Variants in PCDHGA7 observed in about 807,000 individuals in gnomAD.
The protein encoded by PCDHGA7 is protocadherin gamma-A7.
A neutral mutation model predicts 58.3 loss-of-function variants in PCDHGA7; 44 were observed. The ratio of observed to expected loss-of-function variants is 0.75; its 90% confidence interval spans 0.59 to 0.97. The LOEUF (loss-of-function observed/expected upper bound fraction) is 0.97, where lower values mean the gene tolerates loss of function less well. Among genes scored for constraint, PCDHGA7 ranks in the 50% least tolerant of loss-of-function variants. PCDHGA7 has a pLI of 0.00. For synonymous variants in PCDHGA7, 516 were observed against 504.2 expected (o/e 1.02, Z -0.31); for missense variants, 1,266 against 1,188.7 (o/e 1.06, Z -0.96).
rs1360494290 is a variant in PCDHGA7 at position 141,433,285 on chromosome 5, C to T, written c.2424+47962C>T. On this transcript the variant is annotated intron_variant, in intron 1 of 3. Coordinates refer to ENST00000518325, the MANE Select transcript of PCDHGA7 (RefSeq NM_018920.4). ...CATAGCTCACTGCAGCCTCAAACTCCTAGGCTCAAGCAATTATCCCACCTT... is the reference window on the plus strand; with the variant it reads ...CATAGCTCACTGCAGCCTCAAACTCTTAGGCTCAAGCAATTATCCCACCTT... The T allele has an allele frequency of 6.8e-6, 8 of 1,169,708 alleles. No individual in the cohort carries two copies. In the East Asian group the frequency reaches 1.7e-4, roughly 25 times the overall value. The allele number at this position is 1,169,708 out of a possible 1,614,324, so 72.5% of individuals were successfully genotyped here. A position where few individuals can be genotyped will look rare whatever the true frequency, so the allele number is the denominator to read the frequency against.
chr5:141,444,588 A>G (rs1486905298), intron 1 of PCDHGA7, among the ~76,000 whole-genome samples: 1 of 152,138 alleles, frequency 6.6e-6, no homozygotes, highest in Non-Finnish European at 1.5e-5. Flanking sequence ...CTTTCTACTT[A>G]CCTTATTTAA....
intron 1 of PCDHGA7, chr5:141,389,923 C>G: frequency 6.2e-7 from 1 of 1,614,076 alleles, no homozygotes; most frequent in Non-Finnish European, 8.5e-7. Context: ...CCCGACCCCT[C>G]TGACCTCCAG....
At chr5:141,390,632 A>G in intron 1 of PCDHGA7, 1 of 240,428 alleles carries the variant, frequency 4.2e-6, no homozygotes, top group Admixed American at 5.1e-5. Context: ...ATATATGATG[A>G]ATACTTTTTT....
chr5:141,481,913 CAAAAAA>C (rs34114744), intron 1 of PCDHGA7, among the ~76,000 whole-genome samples: 1 of 90,850 alleles, frequency 1.1e-5, no homozygotes. Flanking sequence ...AACTCCATCT[CAAAAAA>C]AAAAAAAAAA....
chr5:141,476,596 C>T lies in PCDHGA7; in HGVS notation c.2425-18211C>T. 1 of 1,614,224 alleles carries T rather than the reference C, an allele frequency of 6.2e-7. No homozygotes were observed. Among genetic ancestry groups the T allele is most frequent in the Non-Finnish European group, 8.5e-7 (1 of 1,180,038 alleles). On this transcript the variant is annotated intron_variant, in intron 1 of 3. Coordinates refer to ENST00000518325, the MANE Select transcript of PCDHGA7 (RefSeq NM_018920.4). The surrounding 1 kb of genome is among the most constrained non-coding windows in gnomAD (Gnocchi z 7.6). The stretch of plus-strand genomic sequence containing the variant: ...CGCGCTTTCCGCTCGAGAGCGCGCA[C>T]GATCCCGATGTGGGAAGCAACTCTT...
Position 141,489,075 on chromosome 5 carries a change from C to A in PCDHGA7, c.2425-5732C>A. The A allele has an allele frequency of 3.1e-6, 1 of 324,814 alleles. No individual in the cohort carries two copies. The highest frequency in any genetic ancestry group is 5.5e-6 in the Non-Finnish European group (1 of 180,380). The allele number at this position is 324,814 out of a possible 1,614,324, so 20.1% of individuals were successfully genotyped here. A position where few individuals can be genotyped will look rare whatever the true frequency, so the allele number is the denominator to read the frequency against. ...TCAGCTCCCCTCCCCCCTGCCCACCCCCGCCACTCGGTGACTAAGAACTGC... is the reference window on the plus strand; with the variant it reads ...TCAGCTCCCCTCCCCCCTGCCCACCACCGCCACTCGGTGACTAAGAACTGC... On this transcript the variant is annotated intron_variant, in intron 1 of 3. Coordinates refer to ENST00000518325, the MANE Select transcript of PCDHGA7 (RefSeq NM_018920.4). The surrounding 1 kb of genome is among the most constrained non-coding windows in gnomAD (Gnocchi z 4.5).
chr5:141,505,742 G>A (rs1024914690), intron 3 of PCDHGA7, among the ~76,000 whole-genome samples: 1 of 152,150 alleles, frequency 6.6e-6, no homozygotes, highest in Non-Finnish European at 1.5e-5. Flanking sequence ...TACAAGTCTA[G>A]CTCTGGAATG....
rs191354649 is a variant in PCDHGA7 at position 141,510,446 on chromosome 5, C to T, written c.2573-501C>T. 8.9e-4 allele frequency among the ~76,000 whole-genome samples: 135 copies of T among 152,154 alleles called. 1 individual carries two copies. Among genetic ancestry groups the T allele is most frequent in the Non-Finnish European group, 1.7e-3 (114 of 68,010 alleles). On this transcript the variant is annotated intron_variant, in intron 3 of 3. Coordinates refer to ENST00000518325, the MANE Select transcript of PCDHGA7 (RefSeq NM_018920.4). ...TTTCATGGCTGCTGCCCTCCAGGAG[C>T]CCATGGTCTAGTGTGGGAGTCAGAG...
intron 1 of PCDHGA7, among the ~76,000 whole-genome samples, chr5:141,457,975 C>T (rs2098934043): frequency 6.6e-6 from 1 of 152,202 alleles, no homozygotes; most frequent in South Asian, 2.1e-4. Context: ...AAGGGAAACA[C>T]ACCCTTTCAG....
chr5:141,417,963 A>C (rs1260025037), intron 1 of PCDHGA7: 1 of 1,613,258 alleles, frequency 6.2e-7, no homozygotes, highest in Non-Finnish European at 8.5e-7. Flanking sequence ...CCGATCCGCT[A>C]CTCGATTCCG....
At chr5:141,422,716 G>T (rs1348237465) in intron 1 of PCDHGA7, 1 of 1,604,378 alleles carries the variant, frequency 6.2e-7, no homozygotes, top group African/African-American at 1.3e-5. Context: ...GGATGACACT[G>T]TCCAGGGGGT....
At chr5:141,469,770 A>G (rs1003620088) in intron 1 of PCDHGA7, among the ~76,000 whole-genome samples, 4 of 152,234 alleles carry the variant, frequency 2.6e-5, no homozygotes, top group Non-Finnish European at 5.9e-5. Flanking sequence ...ATACCAGCTT[A>G]TTTATTACAG....
chr5:141,415,686 G>T, intron 1 of PCDHGA7: 2 of 1,535,424 alleles, frequency 1.3e-6, no homozygotes, highest in Middle Eastern at 1.7e-4. Flanking sequence ...GCGGCATGAT[G>T]GTGGAAAGTG....
rs750033444 is a variant in PCDHGA7 at position 141,432,950 on chromosome 5, G to C, written c.2424+47627G>C. 1.2e-6 allele frequency: 2 copies of C among 1,614,190 alleles called. No homozygotes were observed. The highest frequency in any genetic ancestry group is 1.7e-6 in the Non-Finnish European group (2 of 1,180,032). ...ACGCCTGCTGCAGGCTTCAGGAGGC[G>C]GCTTGACAGGAGCGCCGGCGTCGCA... On this transcript the variant is annotated intron_variant, in intron 1 of 3. Transcript: ENST00000518325. The surrounding 1 kb of genome is among the most constrained non-coding windows in gnomAD (Gnocchi z 6.0).
At chr5:141,389,933 G>A (rs774443122) in intron 1 of PCDHGA7, 7 of 1,614,068 alleles carry the variant, frequency 4.3e-6, no homozygotes, top group Non-Finnish European at 5.9e-6. Context: ...CTGACCTCCA[G>A]GCTGAGCTGC....
In PCDHGA7 at chr5:141,428,081, C is replaced by A. The variant is rs768842388; in HGVS notation, c.2424+42758C>A. 14 of 1,609,100 alleles carry A rather than the reference C, an allele frequency of 8.7e-6. No individual in the cohort carries two copies. In the African/African-American group the frequency reaches 1.1e-4, roughly 12 times the overall value. ...CGGTGGACGCAGATTCGGGACACAA[C>A]GCTTGGCTGTCCTACCACGTGCTGC... is the stretch of plus-strand genomic sequence containing the variant. On this transcript the variant is annotated intron_variant, in intron 1 of 3. Transcript: ENST00000518325.
At chr5:141,408,623 G>C in intron 1 of PCDHGA7, 1 of 1,614,004 alleles carries the variant, frequency 6.2e-7, no homozygotes, top group Non-Finnish European at 8.5e-7. Flanking sequence ...AATACATTTA[G>C]AAATTTTCGA....
In PCDHGA7 at chr5:141,432,513, G is replaced by T. The variant is rs755227021; in HGVS notation, c.2424+47190G>T. On this transcript the variant is annotated intron_variant, in intron 1 of 3. Coordinates refer to ENST00000518325, the MANE Select transcript of PCDHGA7 (RefSeq NM_018920.4). The surrounding 1 kb of genome is among the most constrained non-coding windows in gnomAD (Gnocchi z 6.0). ...CTGGCTCCCCGCTCCGCAGAGCCCG[G>T]CTACCTGGTGACCAAGGTGGTGGCG... The T allele has an allele frequency of 3.1e-6, 5 of 1,614,102 alleles. No individual in the cohort carries two copies. Among genetic ancestry groups the T allele is most frequent in the African/African-American group, 2.7e-5 (2 of 75,062 alleles).
At chr5:141,419,928 T>G in intron 1 of PCDHGA7, 1 of 1,614,084 alleles carries the variant, frequency 6.2e-7, no homozygotes, top group South Asian at 1.1e-5. Flanking sequence ...GAGATGCAGT[T>G]TTACCTGGTG....
Sources: allele counts gnomAD v4.1 joint callset (sites outside exome capture counted in the v4.1 genomes callset), GRCh38; gene constraint gnomAD v4.1.1; non-coding constraint Gnocchi (gnomAD v3.1); transcripts MANE v1.5; gene names NCBI Gene and HGNC (gene_info 2026-07-23, HGNC 2026-07-21).